The following COL13A1 variants were observed in gnomAD, a reference collection of about 807,000 sequenced individuals.
COL13A1 encodes the protein collagen alpha-1(XIII) chain.
In COL13A1, 89 loss-of-function variants were observed where a neutral mutation model predicts 130.9. The observed-to-expected ratio is 0.68, with a 90% CI of 0.57 to 0.81. The LOEUF is 0.81. COL13A1 is among the 30% of genes least tolerant of loss of function. The pLI, the probability that COL13A1 is intolerant of heterozygous loss-of-function variation, is 0.00. For missense variants in COL13A1, 879 were observed against 934.6 expected (o/e 0.94, Z 0.78); for synonymous variants, 402 against 341.6 (o/e 1.18, Z -1.95).
intron 40 of COL13A1, 116 bp from the exon 41 acceptor site, chr10:69,958,583 C>T (rs2071256627): frequency 6.6e-7 from 1 of 1,521,656 alleles, no homozygotes; most frequent in Non-Finnish European, 9.0e-7. Context: ...CCACAGTTCT[C>T]CTGTCCAGAA....
At chr10:69,913,487 G>T (rs1183570692) in intron 17 of COL13A1, among the ~76,000 whole-genome samples, 1 of 152,152 alleles carries the variant, frequency 6.6e-6, no homozygotes, top group Non-Finnish European at 1.5e-5. Context: ...CCTAGGAGGG[G>T]AATTAGAAAA....
chr10:69,914,117 G>A (rs941152423), intron 17 of COL13A1, among the ~76,000 whole-genome samples: 5 of 152,170 alleles, frequency 3.3e-5, no homozygotes, highest in African/African-American at 1.2e-4. Context: ...GTTTTGCTCT[G>A]CACAGTTTCT....
Position 69,802,550 on chromosome 10 carries a change from G to C in COL13A1, c.127G>C (p.Gly43Arg). ...GCGCGGCGCACGGCTGCCGAGTCCA[G>C]GGTCGTGCGGGCTGCTGACGCTGGC... The part of the protein sequence containing the change: ...AERGARLPSP[G>R]SCGLLTLALC... Residue 43 changes from glycine (G) to arginine (R), a missense_variant, in exon 1 of 41, where the codon GGG becomes CGG. Coordinates refer to ENST00000645393, the MANE Select transcript of COL13A1 (RefSeq NM_001368882.1). 1 of 1,608,624 alleles carries C rather than the reference G, an allele frequency of 6.2e-7. No individual in the cohort carries two copies. Among genetic ancestry groups the C allele is most frequent in the Non-Finnish European group, 8.5e-7 (1 of 1,177,730 alleles).
chr10:69,949,038 A>G (rs1307593815), intron 38 of COL13A1, among the ~76,000 whole-genome samples: 2 of 152,218 alleles, frequency 1.3e-5, no homozygotes, highest in Non-Finnish European at 2.9e-5. Context: ...CTTTCTTTTG[A>G]GCACACCATA....
At chr10:69,860,682 C>CT (rs1564870770) in intron 2 of COL13A1, 5 of 266,390 alleles carry the variant, frequency 1.9e-5, no homozygotes, top group South Asian at 1.7e-4. Context: ...TGGGCAGAAC[C>CT]TGCAGCCAGG....
At position 69,921,896 on chromosome 10, in the gene COL13A1, T is replaced by C. The variant is rs747883766; in HGVS notation, c.1104T>C (p.Ala368=). 4 of 1,607,694 alleles carry C rather than the reference T, an allele frequency of 2.5e-6. No homozygotes were observed. The highest frequency in any genetic ancestry group is 3.4e-6 in the Non-Finnish European group (4 of 1,177,368). ...TCTCCCTGCAGGGTGAGAAGGGGGC[T>C]GAAGGCTCCCCTGGGCTTCCTGGCC... ...GKRGQRGEKG[A]EGSPGLPGLL... Residue 368 remains alanine (A), a synonymous_variant, in exon 22 of 41, where the codon GCT becomes GCC. Transcript: ENST00000645393.
At position 69,872,240 on chromosome 10, in the gene COL13A1, G is replaced by T. The variant is rs369255993; in HGVS notation, c.399+30G>T. On this transcript the variant is annotated intron_variant, in intron 4 of 40. Transcript: ENST00000645393. ...GTCACTTTTGTTTCTTCTTTCCTTT[G>T]CATCTCTTTTACGTGCTTTTCTCAG... 3.3e-4 allele frequency: 538 copies of T among 1,613,492 alleles called. No individual in the cohort carries two copies. In the African/African-American group the frequency reaches 5.6e-3, roughly 17 times the overall value.
At chr10:69,860,972 C>A (rs1171036827) in intron 2 of COL13A1, among the ~76,000 whole-genome samples, 14 of 152,158 alleles carry the variant, frequency 9.2e-5, no homozygotes, top group Non-Finnish European at 5.9e-5. Context: ...GCTGGAGGAA[C>A]TTTAAGGTTT....
intron 2 of COL13A1, among the ~76,000 whole-genome samples, chr10:69,828,103 G>A (rs1281859797): frequency 6.6e-6 from 1 of 152,170 alleles, no homozygotes; most frequent in South Asian, 2.1e-4. Flanking sequence ...GCAAATAATT[G>A]ATGGGCTACT....
chr10:69,897,398 G>C (rs1589375128), intron 13 of COL13A1: 1 of 1,461,550 alleles, frequency 6.8e-7, no homozygotes, highest in Admixed American at 1.8e-5. Flanking sequence ...GGGGAGCAGG[G>C]GAGCTGGTGT....
intron 7 of COL13A1, among the ~76,000 whole-genome samples, chr10:69,880,959 G>A (rs956555116): frequency 1.3e-5 from 2 of 152,202 alleles, no homozygotes; most frequent in South Asian, 4.1e-4. Flanking sequence ...ACCCAGGCAC[G>A]CACTACTGGT....
intron 2 of COL13A1, among the ~76,000 whole-genome samples, chr10:69,835,031 G>A (rs910381865): frequency 6.6e-6 from 1 of 152,186 alleles, no homozygotes; most frequent in Non-Finnish European, 1.5e-5. Flanking sequence ...TAGAAGCACT[G>A]AGGTGGGAGA....
chr10:69,844,259 ATGGGC>A (rs1353578282), intron 2 of COL13A1, among the ~76,000 whole-genome samples: 10 of 152,250 alleles, frequency 6.6e-5, no homozygotes, highest in Middle Eastern at 6.8e-3. Context: ...TCCAGGGAGG[ATGGGC>A]CATAGGCACA....
intron 13 of COL13A1, chr10:69,897,486 C>T: frequency 6.2e-7 from 1 of 1,613,920 alleles, no homozygotes; most frequent in African/African-American, 1.3e-5. Flanking sequence ...AGTGCCTAAG[C>T]AGCATGCCAG....
intron 6 of COL13A1, among the ~76,000 whole-genome samples, chr10:69,878,908 G>A (rs186670648): frequency 3.7e-4 from 56 of 152,360 alleles, no homozygotes; most frequent in Admixed American, 2.4e-3. Context: ...CAGACCTCCC[G>A]GTGCCCGGCT....
chr10:69,934,536 G>C (rs1416543070), intron 31 of COL13A1, among the ~76,000 whole-genome samples: 1 of 152,224 alleles, frequency 6.6e-6, no homozygotes, highest in Non-Finnish European at 1.5e-5. Context: ...CTGGGAAGAC[G>C]AGGCACCTGA....
At chr10:69,956,953 G>T in intron 39 of COL13A1, 51 bp from the exon 40 acceptor site, 1 of 1,524,256 alleles carries the variant, frequency 6.6e-7, no homozygotes, top group Non-Finnish European at 9.1e-7. Flanking sequence ...CTGCCCACTT[G>T]GTGGACCATT....
At chr10:69,821,895 G>A (rs1181362331) in intron 1 of COL13A1, among the ~76,000 whole-genome samples, 1 of 152,168 alleles carries the variant, frequency 6.6e-6, no homozygotes, top group Non-Finnish European at 1.5e-5. Context: ...GTGGAGGGGT[G>A]CAGAGAGCCT....
chr10:69,909,753 A>G (rs1281700222), intron 17 of COL13A1, among the ~76,000 whole-genome samples: 1 of 152,232 alleles, frequency 6.6e-6, no homozygotes, highest in Admixed American at 6.5e-5. Flanking sequence ...ATGATCAGGC[A>G]GAAGTTTATT....
Sources: gnomAD v4.1 joint callset for allele counts (sites outside exome capture counted in the v4.1 genomes callset) on GRCh38, gnomAD v4.1.1 for gene constraint, MANE v1.5 for transcripts, NCBI Gene and HGNC (gene_info 2026-07-23, HGNC 2026-07-21) for gene names.